MCTP2: variants seen among roughly 807,000 people sequenced by gnomAD.
The protein encoded by MCTP2 is multiple C2 and transmembrane domain containing 2, also known as multiple C2 and transmembrane domain-containing protein 2.
A neutral mutation model predicts 111.6 loss-of-function variants in MCTP2; 132 were observed. The ratio of observed to expected loss-of-function variants is 1.18; its 90% CI spans 1.03 to 1.37. The LOEUF is 1.37. MCTP2 is among the 40% of genes most tolerant of loss of function. The pLI is 0.00. For synonymous variants in MCTP2, 395 were observed against 387.7 expected (o/e 1.02, Z -0.22); for missense variants, 1,183 against 1,067.9 (o/e 1.11, Z -1.50).
rs973663807 is a variant in MCTP2 at position 94,347,241 on chromosome 15, C to T, written c.1005+2077C>T. Among the ~76,000 whole-genome samples the T allele has an allele frequency of 1.3e-5, 2 of 152,068 alleles. 1 individual carries two copies. Among genetic ancestry groups the T allele is most frequent in the South Asian group, 4.1e-4 (2 of 4,822 alleles). On this transcript the variant is annotated intron_variant, in intron 8 of 22. Transcript: ENST00000357742. The stretch of plus-strand genomic sequence containing the variant: ...ACAACCTGTAAAAGTAGTTAAAATA[C>T]CCTGGTCGGCCTATTTTTTGGTATT...
At chr15:94,239,552 T>A (rs2070791216) in intron 1 of MCTP2, among the ~76,000 whole-genome samples, 1 of 152,212 alleles carries the variant, frequency 6.6e-6, no homozygotes, top group African/African-American at 2.4e-5. Flanking sequence ...TTACATGAGC[T>A]CCCTCCCCTG....
At chr15:94,476,935 G>A in intron 22 of MCTP2, 142 bp downstream of exon 22, 3 of 579,870 alleles carry the variant, frequency 5.2e-6, no homozygotes, top group Non-Finnish European at 9.2e-6. Flanking sequence ...GGCTTGCAGA[G>A]AAGTGGCAGA....
intron 8 of MCTP2, among the ~76,000 whole-genome samples, chr15:94,348,535 T>C (rs1295074619): frequency 1.1e-5 from 1 of 93,172 alleles, no homozygotes; most frequent in African/African-American, 3.9e-5. Context: ...AGAGCCCAGG[T>C]GAGAACCAGG....
At chr15:94,358,239 C>G (rs1323187678) in intron 9 of MCTP2, among the ~76,000 whole-genome samples, 3 of 152,104 alleles carry the variant, frequency 2.0e-5, no homozygotes, top group Non-Finnish European at 4.4e-5. Flanking sequence ...TGTGAGGTAA[C>G]AGTACTCTTT....
At chr15:94,264,055 A>T (rs2073360533) in intron 1 of MCTP2, among the ~76,000 whole-genome samples, 1 of 152,108 alleles carries the variant, frequency 6.6e-6, no homozygotes, top group Non-Finnish European at 1.5e-5. Context: ...GAAACCTCTT[A>T]GATGTCCCTC....
At chr15:94,279,802 G>GT (rs1013264305) in intron 1 of MCTP2, among the ~76,000 whole-genome samples, 2 of 152,042 alleles carry the variant, frequency 1.3e-5, no homozygotes, top group African/African-American at 2.4e-5. Flanking sequence ...TTTGTTGAGG[G>GT]TTTTTAACAT....
At position 94,443,042 on chromosome 15, in the gene MCTP2, C is replaced by T. The variant is rs2083875335; in HGVS notation, c.2250+82C>T. 4 of 996,970 alleles carry T rather than the reference C, an allele frequency of 4.0e-6. 1 individual carries two copies. Among genetic ancestry groups the T allele is most frequent in the Non-Finnish European group, 5.6e-6 (4 of 714,440 alleles). The allele number at this position is 996,970 out of a possible 1,614,324, so 61.8% of individuals were successfully genotyped here. On this transcript the variant is annotated intron_variant, in intron 19 of 22. Transcript: ENST00000357742. ...GCATTCCTTCAGGTTGAGTCTCTCT[C>T]CTCTCTTTTTTTTTTTTTTTTTAAT...
rs1314121654 is a variant in MCTP2 at position 94,369,494 on chromosome 15, T to C, written c.1489-593T>C. On this transcript the variant is annotated intron_variant, in intron 11 of 22. Transcript: ENST00000357742. Reference sequence around the variant, plus strand: ...TGCTTAAGAATGAGCAGTAGATACATTCAGACTTTGGCTGGTACAAACTCA... The same window carrying C: ...TGCTTAAGAATGAGCAGTAGATACACTCAGACTTTGGCTGGTACAAACTCA... 3.3e-5 allele frequency among the ~76,000 whole-genome samples: 5 copies of C among 152,314 alleles called. No homozygotes were observed. In the South Asian group the frequency reaches 1.0e-3, roughly 32 times the overall value.
intron 4 of MCTP2, among the ~76,000 whole-genome samples, chr15:94,333,922 A>G (rs1056235038): frequency 3.3e-5 from 5 of 152,250 alleles, no homozygotes; most frequent in African/African-American, 1.2e-4. Context: ...AGAAGTAAGT[A>G]AGATAAGGAA....
intron 1 of MCTP2, among the ~76,000 whole-genome samples, chr15:94,243,626 C>CATATGCGTATATACAT: frequency 6.7e-6 from 1 of 148,694 alleles, no homozygotes; most frequent in South Asian, 2.1e-4. Context: ...TGTATATACG[C>CATATGCGTATATACAT]ATATGCGTAT....
At chr15:94,392,908 T>C (rs976192805) in intron 14 of MCTP2, among the ~76,000 whole-genome samples, 2 of 152,108 alleles carry the variant, frequency 1.3e-5, no homozygotes, top group African/African-American at 4.8e-5. Context: ...AAATTGATAA[T>C]AGTTCCTATT....
chr15:94,289,912 G>T (rs1208620467), intron 1 of MCTP2, among the ~76,000 whole-genome samples: 5 of 152,100 alleles, frequency 3.3e-5, no homozygotes, highest in African/African-American at 1.2e-4. Context: ...CAAGTAACAT[G>T]AGCCCTTAAA....
chr15:94,233,466 T>G (rs2070332094), intron 1 of MCTP2, among the ~76,000 whole-genome samples: 1 of 152,184 alleles, frequency 6.6e-6, no homozygotes, highest in South Asian at 2.1e-4. Flanking sequence ...TATGGTCTCC[T>G]CCTGCAGAGG....
At chr15:94,313,307 C>T (rs2076231687) in intron 2 of MCTP2, among the ~76,000 whole-genome samples, 1 of 152,184 alleles carries the variant, frequency 6.6e-6, no homozygotes, top group Non-Finnish European at 1.5e-5. Context: ...CCTATAAAAG[C>T]TGACACAACT....
intron 1 of MCTP2, among the ~76,000 whole-genome samples, chr15:94,249,821 G>C (rs1350940769): frequency 6.6e-6 from 1 of 152,088 alleles, no homozygotes; most frequent in East Asian, 1.9e-4. Flanking sequence ...TCAGGTAGCT[G>C]TCATGAGTTG....
intron 12 of MCTP2, among the ~76,000 whole-genome samples, chr15:94,379,858 A>T (rs893941880): frequency 3.5e-5 from 5 of 144,814 alleles, no homozygotes; most frequent in African/African-American, 1.3e-4. Context: ...TATATATATA[A>T]TATATGACAT....
At chr15:94,390,666 C>T (rs2152462604) in intron 14 of MCTP2, among the ~76,000 whole-genome samples, 1 of 151,450 alleles carries the variant, frequency 6.6e-6, no homozygotes, top group South Asian at 2.1e-4. Context: ...TTGGTATTTC[C>T]TAATAACAAA....
chr15:94,329,137 G>A (rs916163616), intron 4 of MCTP2, among the ~76,000 whole-genome samples: 1 of 152,134 alleles, frequency 6.6e-6, no homozygotes, highest in African/African-American at 2.4e-5. Context: ...AATTCAAGAG[G>A]AATGGGGACA....
At chr15:94,448,283 T>G (rs558043342) in intron 19 of MCTP2, among the ~76,000 whole-genome samples, 1 of 152,362 alleles carries the variant, frequency 6.6e-6, no homozygotes, top group South Asian at 2.1e-4. Flanking sequence ...CTCACTAATA[T>G]TCCTAGTACA....
Sources: gnomAD v4.1 joint callset for allele counts (sites outside exome capture counted in the v4.1 genomes callset) on GRCh38, gnomAD v4.1.1 for gene constraint, MANE v1.5 for transcripts, NCBI Gene and HGNC (gene_info 2026-07-23, HGNC 2026-07-21) for gene names.